Variants in SNX27 observed in about 807,000 individuals in gnomAD.
SNX27 encodes sorting nexin 27, also known as sorting nexin-27.
A neutral mutation model predicts 71.6 loss-of-function variants in SNX27; 22 were observed. The ratio of observed to expected loss-of-function variants is 0.31; its 90% CI spans 0.22 to 0.44. The LOEUF (loss-of-function observed/expected upper bound fraction) is 0.44. SNX27 is among the 20% of genes least tolerant of loss of function. The pLI, the probability that SNX27 is intolerant of heterozygous loss-of-function variation, is 1.00. For synonymous variants in SNX27, 269 were observed against 277.2 expected (o/e 0.97, Z 0.29); for missense variants, 531 against 698.6 (o/e 0.76, Z 2.70).
chr1:151,657,960 C>T (rs1669775510), intron 2 of SNX27, among the ~76,000 whole-genome samples: 1 of 152,144 alleles, frequency 6.6e-6, no homozygotes. Flanking sequence ...GAGATCATGC[C>T]ACTGCACTCC....
At chr1:151,633,631 C>T (rs367766285) in intron 1 of SNX27, among the ~76,000 whole-genome samples, 1 of 150,974 alleles carries the variant, frequency 6.6e-6, no homozygotes, top group African/African-American at 2.4e-5. Flanking sequence ...ACTATCCCCT[C>T]CCCTCCAGAC....
At chr1:151,690,319 C>G (rs570845814) in intron 8 of SNX27, among the ~76,000 whole-genome samples, 1 of 152,346 alleles carries the variant, frequency 6.6e-6, no homozygotes, top group South Asian at 2.1e-4. Context: ...TTTACTGTCA[C>G]TGACTTGAAG....
intron 1 of SNX27, among the ~76,000 whole-genome samples, chr1:151,636,386 G>C (rs1331975050): frequency 6.6e-6 from 1 of 152,092 alleles, no homozygotes; most frequent in Non-Finnish European, 1.5e-5. Context: ...CTGCAGCCTT[G>C]AACTCCCAGG....
At chr1:151,685,387 G>C (rs1671147331) in intron 8 of SNX27, 1 of 151,990 alleles carries the variant, frequency 6.6e-6, no homozygotes, top group Non-Finnish European at 1.5e-5. Context: ...GTTGGAATAA[G>C]AATGCAAACA....
At chr1:151,616,197 A>G (rs879128439) in intron 1 of SNX27, among the ~76,000 whole-genome samples, 1 of 152,220 alleles carries the variant, frequency 6.6e-6, no homozygotes, top group Admixed American at 6.5e-5. Flanking sequence ...CAAAATAAAT[A>G]TGTCTTTGCA....
rs1056335547 is a variant in SNX27, at chr1:151,694,471, G to T, written c.*54G>T. ...ACCCCCATCCTCTTACTCCTTTCAT[G>T]TCCCATTTCAGACAGAGTAACCATT... is the stretch of plus-strand genomic sequence containing the variant. On this transcript the variant is annotated 3_prime_UTR_variant, in exon 12 of 12. Coordinates refer to ENST00000458013, the MANE Select transcript of SNX27 (RefSeq NM_001330723.2). 1.3e-6 allele frequency: 2 copies of T among 1,498,632 alleles called. No individual in the cohort carries two copies. Among genetic ancestry groups the T allele is most frequent in the Non-Finnish European group, 1.8e-6 (2 of 1,110,822 alleles). The allele number at this position is 1,498,632 out of a possible 1,614,324, so 92.8% of individuals were successfully genotyped here.
intron 2 of SNX27, among the ~76,000 whole-genome samples, chr1:151,639,552 AT>A (rs1224696659): frequency 6.6e-6 from 1 of 152,174 alleles, no homozygotes; most frequent in Non-Finnish European, 1.5e-5. Context: ...AGGTTCACCC[AT>A]TTCAGAACTT....
At chr1:151,650,377 C>T (rs1669268347) in intron 2 of SNX27, among the ~76,000 whole-genome samples, 1 of 152,042 alleles carries the variant, frequency 6.6e-6, no homozygotes, top group African/African-American at 2.4e-5. Context: ...TTTTACATGT[C>T]TAGGTGTTTG....
intron 1 of SNX27, among the ~76,000 whole-genome samples, chr1:151,633,561 A>G (rs906134308): frequency 2.0e-5 from 3 of 148,550 alleles, no homozygotes; most frequent in African/African-American, 7.3e-5. Context: ...TGCCTCCCAC[A>G]GTGCTGGGAT....
chr1:151,687,069 A>G (rs907158061), intron 8 of SNX27, among the ~76,000 whole-genome samples: 6 of 152,158 alleles, frequency 3.9e-5, no homozygotes, highest in Non-Finnish European at 8.8e-5. Flanking sequence ...CTGAATCTCA[A>G]ATTTGGATGG....
rs1671053657 is a variant in SNX27 at position 151,683,366 on chromosome 1, A to C, written c.1160A>C (p.Asp387Ala). ...VTYFFHQAVD[D>A]VKKGYIKAEE... ...CTGTTTTGGTGATAGGCAGTCGATG[A>C]TGTGAAGAAAGGTTACATCAAAGCA... Residue 387 changes from aspartate to alanine, a missense_variant, in exon 8 of 12, where the codon GAT becomes GCT. Physicochemically the swap from Asp to Ala is moderately radical, Grantham distance 126. Transcript: ENST00000458013. 5.6e-6 allele frequency: 9 copies of C among 1,612,458 alleles called. No individual in the cohort carries two copies. The highest frequency in any genetic ancestry group is 7.6e-6 in the Non-Finnish European group (9 of 1,179,482).
rs1000408062 is a variant in SNX27 at position 151,694,816 on chromosome 1, C to T, written c.*399C>T. On this transcript the variant is annotated 3_prime_UTR_variant, in exon 12 of 12. Coordinates refer to ENST00000458013, the MANE Select transcript of SNX27 (RefSeq NM_001330723.2). ...TATGTATGTAAAAATTATATATACA[C>T]AAATTAGCTGCACGTATATACATAT... is the stretch of plus-strand genomic sequence containing the variant. 6.3e-5 allele frequency: 10 copies of T among 157,986 alleles called. No homozygotes were observed. The South Asian group carries it at 1.2e-3, about 19-fold the overall frequency. The allele number at this position is 157,986 out of a possible 1,614,324, so 9.8% of individuals were successfully genotyped here.
At chr1:151,633,074 G>C (rs1275696127) in intron 1 of SNX27, among the ~76,000 whole-genome samples, 2 of 151,448 alleles carry the variant, frequency 1.3e-5, no homozygotes, top group Non-Finnish European at 2.9e-5. Context: ...GGGTTTCACC[G>C]TGTTAGCCAG....
chr1:151,664,581 C>T (rs1169665131), intron 5 of SNX27, among the ~76,000 whole-genome samples: 1 of 152,022 alleles, frequency 6.6e-6, no homozygotes, highest in Non-Finnish European at 1.5e-5. Flanking sequence ...TTTCAATGGC[C>T]TTTAATCCTA....
chr1:151,629,497 G>A (rs764093936), intron 1 of SNX27: 14 of 148,612 alleles, frequency 9.4e-5, no homozygotes, highest in South Asian at 4.2e-4. Context: ...ACATGTATGC[G>A]TATATATATA....
chr1:151,684,079 C>G (rs571996049), intron 8 of SNX27, among the ~76,000 whole-genome samples: 1 of 152,172 alleles, frequency 6.6e-6, no homozygotes, highest in East Asian at 1.9e-4. Context: ...TGATATTTAG[C>G]TTTTTAACAT....
chr1:151,690,496 T>C (rs1345319849), intron 8 of SNX27, among the ~76,000 whole-genome samples: 1 of 151,926 alleles, frequency 6.6e-6, no homozygotes, highest in Non-Finnish European at 1.5e-5. Context: ...AGTGGTGCAG[T>C]CTCAGCCAGG....
At chr1:151,643,541 C>T (rs1488147929) in intron 2 of SNX27, among the ~76,000 whole-genome samples, 1 of 151,852 alleles carries the variant, frequency 6.6e-6, no homozygotes, top group Non-Finnish European at 1.5e-5. Context: ...GATCCGCCTG[C>T]CTCGGCCTCC....
intron 1 of SNX27, among the ~76,000 whole-genome samples, chr1:151,634,211 G>C (rs889248894): frequency 6.6e-6 from 1 of 152,136 alleles, no homozygotes; most frequent in Non-Finnish European, 1.5e-5. Context: ...AAATTGAAAT[G>C]TATGTCTTAG....
Sources: gnomAD v4.1 joint callset for allele counts (sites outside exome capture counted in the v4.1 genomes callset) on GRCh38, gnomAD v4.1.1 for gene constraint, MANE v1.5 for transcripts, NCBI Gene and HGNC (gene_info 2026-07-23, HGNC 2026-07-21) for gene names.